STX1B: variants seen among roughly 807,000 people sequenced by gnomAD.
STX1B encodes the protein syntaxin-1B.
Under a neutral mutation model 39.4 loss-of-function variants are expected in STX1B, and 7 were observed. The observed-to-expected ratio is 0.18, with a 90% confidence interval of 0.10 to 0.33. The LOEUF (loss-of-function observed/expected upper bound fraction) is 0.33, where lower values mean the gene tolerates loss of function less well. Ranked by LOEUF, STX1B falls within the 10% of genes least tolerant of loss-of-function variation. STX1B has a pLI of 1.00. For synonymous variants in STX1B, 136 were observed against 144.1 expected (o/e 0.94, Z 0.40); for missense variants, 198 against 383.2 (o/e 0.52, Z 4.04).
chr16:31,008,152 G>T (rs536747569), intron 1 of STX1B, among the ~76,000 whole-genome samples: 2 of 151,842 alleles, frequency 1.3e-5, no homozygotes, highest in African/African-American at 4.8e-5. Flanking sequence ...ACCCTGCCAG[G>T]TGTCTCCTGC....
chr16:31,006,246 C>T (rs902663010), intron 1 of STX1B, among the ~76,000 whole-genome samples: 2 of 152,178 alleles, frequency 1.3e-5, no homozygotes, highest in African/African-American at 4.8e-5. Flanking sequence ...CCCCCACCCT[C>T]TGCTTCAGTC....
chr16:30,992,869 C>G lies in STX1B; in HGVS notation c.819G>C (p.Val273=), dbSNP rs755940173. 1 of 1,613,832 alleles carries G rather than the reference C, an allele frequency of 6.2e-7. No homozygotes were observed. Among genetic ancestry groups the G allele is most frequent in the East Asian group, 2.2e-5 (1 of 44,886 alleles). ...TGGATGACGCCAAGACCACCCCCAG[C>G]ACCACACAGCAAATGATGATCATGA... The part of the protein sequence containing the change: ...KKIMIIICCV[V]LGVVLASSIG... Residue 273 remains valine, a synonymous_variant, in exon 10 of 10, where the codon GTG becomes GTC. Transcript: ENST00000215095.
At chr16:30,997,432 G>A (rs2056601103) in intron 5 of STX1B, 70 bp downstream of exon 5, 9 of 1,066,062 alleles carry the variant, frequency 8.4e-6, no homozygotes, top group South Asian at 7.9e-5. Context: ...GCCCTGGCCC[G>A]CCGGCCTCCA....
At position 30,997,637 on chromosome 16, in the gene STX1B, G is replaced by A. The variant is rs531729551; in HGVS notation, c.281-62C>T. ...CGGGGCACATGGGGCGAGGGTCCGG[G>A]GCGTACGAATGGTCAACACCCCGCG... On this transcript the variant is annotated intron_variant, in intron 4 of 9. Transcript: ENST00000215095. The A allele has an allele frequency of 3.5e-3, 5,282 of 1,496,382 alleles. 23 individuals are homozygous for A. Among genetic ancestry groups the A allele is most frequent in the Middle Eastern group, 0.011 (65 of 5,772 alleles). The allele number at this position is 1,496,382 out of a possible 1,614,324, so 92.7% of individuals were successfully genotyped here.
At position 30,990,633 on chromosome 16, in the gene STX1B, C is replaced by T. The variant is rs2056549697; in HGVS notation, c.*2188G>A. ...ACACCGAGTGCCTTGCCTGTGCACA[C>T]ATAAGCCCCATGCCAGGGCATGGCA... On this transcript the variant is annotated 3_prime_UTR_variant, in exon 10 of 10. Transcript: ENST00000215095. The T allele has an allele frequency of 6.6e-6, 1 of 152,296 alleles. No individual in the cohort carries two copies. Among genetic ancestry groups the T allele is most frequent in the African/African-American group, 2.4e-5 (1 of 41,460 alleles). 9.4% of individuals were successfully genotyped at this position (152,296 alleles called of 1,614,324 possible).
At chr16:30,997,414 G>A (rs930014420) in intron 5 of STX1B, 88 bp downstream of exon 5, 2 of 716,372 alleles carry the variant, frequency 2.8e-6, no homozygotes, top group Non-Finnish European at 4.3e-6. Context: ...CGCCCCCGCC[G>A]GTGCTTGGCC....
At position 30,992,624 on chromosome 16, in the gene STX1B, C is replaced by T. The variant is rs1359813749; in HGVS notation, c.*197G>A. On this transcript the variant is annotated 3_prime_UTR_variant, in exon 10 of 10. Coordinates refer to ENST00000215095, the MANE Select transcript of STX1B (RefSeq NM_052874.5). The stretch of plus-strand genomic sequence containing the variant: ...TGTGCATGTGTAATCACGCCTGCTG[C>T]GATCTACGTGCGGGGACGGGGGGGG... 2.4e-5 allele frequency: 11 copies of T among 450,436 alleles called. No individual in the cohort carries two copies. Among genetic ancestry groups the T allele is most frequent in the East Asian group, 1.3e-4 (4 of 30,588 alleles). The allele number at this position is 450,436 out of a possible 1,614,324, so 27.9% of individuals were successfully genotyped here. A position where few individuals can be genotyped will look rare whatever the true frequency, so the allele number is the denominator to read the frequency against.
rs2056543716 is a variant in STX1B at position 30,990,121 on chromosome 16, A to C, written c.*2700T>G. 6.6e-6 allele frequency: 1 copy of C among 152,238 alleles called. No individual in the cohort carries two copies. Among genetic ancestry groups the C allele is most frequent in the East Asian group, 1.9e-4 (1 of 5,190 alleles). 9.4% of individuals were successfully genotyped at this position (152,238 alleles called of 1,614,324 possible). A position where few individuals can be genotyped will look rare whatever the true frequency, so the allele number is the denominator to read the frequency against. ...CCCAGAGATGGGCAGCTGTGGGCCC[A>C]ATGCCACTCCAGGTGGGGGGAGTGG... On this transcript the variant is annotated 3_prime_UTR_variant, in exon 10 of 10. Coordinates refer to ENST00000215095, the MANE Select transcript of STX1B (RefSeq NM_052874.5).
intron 7 of STX1B, among the ~76,000 whole-genome samples, chr16:30,993,956 A>C (rs1314997360): frequency 1.3e-5 from 2 of 151,414 alleles, no homozygotes; most frequent in Non-Finnish European, 2.9e-5. Context: ...ACTGCACTCC[A>C]GCCTGGGCAA....
At chr16:31,010,074 T>A (rs1168794634) in intron 1 of STX1B, among the ~76,000 whole-genome samples, 1 of 151,886 alleles carries the variant, frequency 6.6e-6, no homozygotes, top group South Asian at 2.1e-4. Flanking sequence ...ATCCACTCTC[T>A]CCCATCCCCA....
intron 6 of STX1B, 84 bp from the exon 7 acceptor site, chr16:30,996,840 C>CTGGGG: frequency 6.4e-7 from 1 of 1,574,536 alleles, no homozygotes; most frequent in Non-Finnish European, 8.7e-7. Context: ...ACCTGGGGCC[C>CTGGGG]ACCCTCCCAC....
chr16:30,997,201 T>C (rs2056598925), intron 5 of STX1B, 142 bp from the exon 6 acceptor site: 1 of 670,746 alleles, frequency 1.5e-6, no homozygotes, highest in Non-Finnish European at 2.6e-6. Flanking sequence ...TACGGTCCCT[T>C]CTTCAGCTCT....
chr16:31,005,580 T>C (rs899751791), intron 1 of STX1B, among the ~76,000 whole-genome samples: 2 of 148,938 alleles, frequency 1.3e-5, no homozygotes, highest in African/African-American at 4.9e-5. Flanking sequence ...AGCGCTGGGA[T>C]GACAGGTGTG....
At chr16:31,004,675 C>CT (rs1172320141) in intron 1 of STX1B, among the ~76,000 whole-genome samples, 1 of 118,052 alleles carries the variant, frequency 8.5e-6, no homozygotes, top group African/African-American at 3.0e-5. Flanking sequence ...GACCCCGTTT[C>CT]TTAAAAAAAA....
rs781531084 is a variant in STX1B at position 30,996,762 on chromosome 16, G to A, written c.464-6C>T. Reference sequence around the variant, plus strand: ...GTTGGTGGTGGTCCTTCCAGCTGCGGGAAGAAAGGACTCCCTGCTCGGGGG... The same window carrying A: ...GTTGGTGGTGGTCCTTCCAGCTGCGAGAAGAAAGGACTCCCTGCTCGGGGG... On this transcript the variant is annotated splice_polypyrimidine_tract_variant and splice_region_variant and intron_variant, in intron 6 of 9. Transcript: ENST00000215095. 4 of 1,613,858 alleles carry A rather than the reference G, an allele frequency of 2.5e-6. No individual in the cohort carries two copies. In the East Asian group the frequency reaches 8.9e-5, roughly 36 times the overall value.
intron 6 of STX1B, 83 bp from the exon 7 acceptor site, chr16:30,996,839 C>A: frequency 6.4e-7 from 1 of 1,573,336 alleles, no homozygotes. Context: ...GACCTGGGGC[C>A]CACCCTCCCA....
At chr16:31,003,967 A>G (rs1314599666) in intron 1 of STX1B, among the ~76,000 whole-genome samples, 1 of 152,192 alleles carries the variant, frequency 6.6e-6, no homozygotes, top group Non-Finnish European at 1.5e-5. Flanking sequence ...CAGGCCACAT[A>G]GGGCCAGAAA....
chr16:30,989,744 T>G lies in STX1B; in HGVS notation c.*3077A>C, dbSNP rs912867348. 1 of 152,314 alleles carries G rather than the reference T, an allele frequency of 6.6e-6. No individual in the cohort carries two copies. The highest frequency in any genetic ancestry group is 1.5e-5 in the Non-Finnish European group (1 of 68,108). The allele number at this position is 152,314 out of a possible 1,614,324, so 9.4% of individuals were successfully genotyped here. A position where few individuals can be genotyped will look rare whatever the true frequency, so the allele number is the denominator to read the frequency against. ...GGGTGAATGCATAGAACACATCATGTGTACACGCTCAGGGCGTGGCAAGAG... is the reference window on the plus strand; with the variant it reads ...GGGTGAATGCATAGAACACATCATGGGTACACGCTCAGGGCGTGGCAAGAG... On this transcript the variant is annotated 3_prime_UTR_variant, in exon 10 of 10. Coordinates refer to ENST00000215095, the MANE Select transcript of STX1B (RefSeq NM_052874.5).
chr16:30,997,321 C>A (rs1303540969), intron 5 of STX1B, among the ~76,000 whole-genome samples, 181 bp downstream of exon 5: 1 of 152,132 alleles, frequency 6.6e-6, no homozygotes, highest in Non-Finnish European at 1.5e-5. Flanking sequence ...TGCGGCTCGA[C>A]CCCGCCCTCC....
Sources: allele counts gnomAD v4.1 joint callset (sites outside exome capture counted in the v4.1 genomes callset), GRCh38; gene constraint gnomAD v4.1.1; transcripts MANE v1.5; gene names NCBI Gene and HGNC (gene_info 2026-07-23, HGNC 2026-07-21).